The following PTPRD variants were observed in gnomAD, a reference collection of about 807,000 sequenced individuals.
PTPRD encodes the protein receptor-type tyrosine-protein phosphatase delta.
In PTPRD, 34 loss-of-function variants were observed where a neutral mutation model predicts 214.5. The observed-to-expected ratio is 0.16, with a 90% confidence interval of 0.12 to 0.21. The LOEUF (loss-of-function observed/expected upper bound fraction) is 0.21. PTPRD is among the 10% of genes least tolerant of loss of function. The pLI, the probability that PTPRD is intolerant of heterozygous loss-of-function variation, is 1.00. For missense variants in PTPRD, 2,545 were observed against 2,398.7 expected, an observed-to-expected ratio of 1.06 and a Z score of -1.27; for synonymous variants, 1,128 against 845.7, an observed-to-expected ratio of 1.33 and a Z score of -5.79.
At chr9:10,272,842 C>T (rs1487411301) in intron 3 of PTPRD, among the ~76,000 whole-genome samples, 5 of 152,116 alleles carry the variant, frequency 3.3e-5, no homozygotes, top group South Asian at 4.2e-4. Context: ...TGAGAGAATA[C>T]CACACATGTG....
intron 2 of PTPRD, among the ~76,000 whole-genome samples, chr9:10,524,104 C>A (rs2053479659): frequency 6.6e-6 from 1 of 151,986 alleles, no homozygotes; most frequent in Non-Finnish European, 1.5e-5. Context: ...ATTTCCCACA[C>A]TCTCTCTTTC....
chr9:9,910,092 G>C (rs1038821619), intron 5 of PTPRD, among the ~76,000 whole-genome samples: 49 of 151,840 alleles, frequency 3.2e-4, no homozygotes, highest in African/African-American at 1.2e-3. Flanking sequence ...TGACATCTTG[G>C]TCAAGTTTGT....
chr9:8,885,158 T>C (rs1267029774), intron 11 of PTPRD, among the ~76,000 whole-genome samples: 2 of 152,186 alleles, frequency 1.3e-5, no homozygotes, highest in Non-Finnish European at 2.9e-5. Flanking sequence ...TGATAATAGT[T>C]CCCATTTGGA....
chr9:8,510,060 G>C (rs1297251389), intron 21 of PTPRD, among the ~76,000 whole-genome samples: 3 of 152,064 alleles, frequency 2.0e-5, no homozygotes, highest in African/African-American at 7.2e-5. Context: ...AAGTTGGGAG[G>C]ATGGCTTGAA....
intron 4 of PTPRD, among the ~76,000 whole-genome samples, chr9:10,026,224 G>T (rs1370172301): frequency 6.6e-6 from 1 of 152,142 alleles, no homozygotes; most frequent in Non-Finnish European, 1.5e-5. Context: ...TTCTAAAACT[G>T]CCTTTGGCTA....
intron 30 of PTPRD, among the ~76,000 whole-genome samples, chr9:8,479,374 C>T (rs2096833204): frequency 6.6e-6 from 1 of 152,174 alleles, no homozygotes; most frequent in Non-Finnish European, 1.5e-5. Flanking sequence ...TAATATATTT[C>T]TGAGAATCTT....
intron 3 of PTPRD, among the ~76,000 whole-genome samples, chr9:10,287,961 T>G (rs1472232378): frequency 6.6e-6 from 1 of 151,890 alleles, no homozygotes; most frequent in Non-Finnish European, 1.5e-5. Flanking sequence ...TGTTGCATGA[T>G]TTATGTTTTA....
intron 3 of PTPRD, among the ~76,000 whole-genome samples, chr9:10,138,061 T>C (rs960183591): frequency 5.3e-5 from 8 of 151,830 alleles, no homozygotes; most frequent in East Asian, 1.9e-4. Context: ...CTGAAGAAAA[T>C]TGATATGCAA....
At chr9:9,676,390 C>T (rs2096930901) in intron 7 of PTPRD, among the ~76,000 whole-genome samples, 1 of 150,168 alleles carries the variant, frequency 6.7e-6, no homozygotes, top group African/African-American at 2.4e-5. Context: ...GGTTTTTTGT[C>T]CTTGTGATAG....
At chr9:10,244,361 A>G (rs540675478) in intron 3 of PTPRD, among the ~76,000 whole-genome samples, 3 of 152,140 alleles carry the variant, frequency 2.0e-5, no homozygotes, top group Non-Finnish European at 2.9e-5. Context: ...ACCACAATGC[A>G]CTGTACATGG....
chr9:8,515,141 T>C (rs1563983864), intron 21 of PTPRD, among the ~76,000 whole-genome samples: 1 of 152,204 alleles, frequency 6.6e-6, no homozygotes, highest in Non-Finnish European at 1.5e-5. Context: ...GTTAAAAGTA[T>C]CCAGAATCCC....
chr9:8,559,748 T>A (rs1005451781), intron 14 of PTPRD, among the ~76,000 whole-genome samples: 1 of 152,202 alleles, frequency 6.6e-6, no homozygotes, highest in African/African-American at 2.4e-5. Flanking sequence ...GTTGATTGCT[T>A]GAGCCCATCA....
intron 9 of PTPRD, among the ~76,000 whole-genome samples, chr9:9,279,893 T>A (rs1947035432): frequency 1.3e-5 from 2 of 150,088 alleles, no homozygotes; most frequent in South Asian, 4.2e-4. Flanking sequence ...GCCACTCTAC[T>A]TTTTAAAATG....
At position 8,597,917 on chromosome 9, in the gene PTPRD, G is replaced by A. The variant is rs527783828; in HGVS notation, c.352+35400C>T. Among the ~76,000 whole-genome samples the A allele has an allele frequency of 3.3e-5, 5 of 152,116 alleles. No individual in the cohort carries two copies. In the East Asian group the frequency reaches 9.7e-4, roughly 29 times the overall value. On this transcript the variant is annotated intron_variant, in intron 14 of 45. Transcript: ENST00000381196. ...GTACTCATTTTTCTTGGACCAACTT[G>A]TTTAAAGACACAAAGGACTCATCAT...
chr9:10,128,395 A>G (rs1398702593), intron 3 of PTPRD, among the ~76,000 whole-genome samples: 1 of 152,136 alleles, frequency 6.6e-6, no homozygotes. Context: ...CAGGGAGCAC[A>G]CCATTGAAGA....
At chr9:8,804,002 G>A (rs193279580) in intron 11 of PTPRD, among the ~76,000 whole-genome samples, 9 of 152,086 alleles carry the variant, frequency 5.9e-5, no homozygotes, top group Admixed American at 3.9e-4. Flanking sequence ...GCCCAGGCTG[G>A]AGTGTAGTGG....
chr9:10,592,831 A>C (rs1218379967), intron 2 of PTPRD, among the ~76,000 whole-genome samples: 1 of 151,940 alleles, frequency 6.6e-6, no homozygotes, highest in African/African-American at 2.4e-5. Context: ...AAACGGGAAC[A>C]CTGACAGGAC....
intron 5 of PTPRD, among the ~76,000 whole-genome samples, chr9:9,918,370 A>AAG (rs1555333235): frequency 7.0e-6 from 1 of 142,576 alleles, no homozygotes; most frequent in Non-Finnish European, 1.5e-5. Flanking sequence ...AAAAAAAAAA[A>AAG]CTCCACAATG....
In PTPRD at chr9:8,348,596, G is replaced by C. The variant is rs991405431; in HGVS notation, c.4662-6618C>G. ...TGGGGGTTGTTTCTTTAACTTGGAGGTTCAAAAATTTCATCTAGATATGCT... is the reference window on the plus strand; with the variant it reads ...TGGGGGTTGTTTCTTTAACTTGGAGCTTCAAAAATTTCATCTAGATATGCT... On this transcript the variant is annotated intron_variant, in intron 39 of 45. Transcript: ENST00000381196. Among the ~76,000 whole-genome samples, 4 of 152,120 alleles carry C rather than the reference G, an allele frequency of 2.6e-5. No homozygotes were observed. The South Asian group carries it at 8.3e-4, about 32-fold the overall frequency.
Sources: gnomAD v4.1 joint callset for allele counts (sites outside exome capture counted in the v4.1 genomes callset) on GRCh38, gnomAD v4.1.1 for gene constraint, MANE v1.5 for transcripts, NCBI Gene and HGNC (gene_info 2026-07-23, HGNC 2026-07-21) for gene names.